MAP3K20: variants seen among roughly 807,000 people sequenced by gnomAD.
MAP3K20 encodes the protein mitogen-activated protein kinase kinase kinase 20.
In MAP3K20, 40 loss-of-function variants were observed where a neutral mutation model predicts 85.7. The observed-to-expected ratio is 0.47, with a 90% CI of 0.36 to 0.61. The LOEUF (loss-of-function observed/expected upper bound fraction) is 0.61, where lower values mean the gene tolerates loss of function less well. Among genes scored for constraint, MAP3K20 ranks in the 20% least tolerant of loss-of-function variants. The pLI, the probability that MAP3K20 is intolerant of heterozygous loss-of-function variation, is 0.00. For synonymous variants in MAP3K20, 325 were observed against 327.7 expected (o/e 0.99, Z 0.09); for missense variants, 817 against 961.7 (o/e 0.85, Z 1.99).
intron 16 of MAP3K20, among the ~76,000 whole-genome samples, chr2:173,251,925 T>C (rs1480850824): frequency 6.6e-6 from 1 of 152,222 alleles, no homozygotes; most frequent in African/African-American, 2.4e-5. Context: ...TTGGTCTTGA[T>C]TGTTTAATGG....
chr2:173,243,557 A>G (rs1684841845), intron 16 of MAP3K20, among the ~76,000 whole-genome samples: 1 of 152,204 alleles, frequency 6.6e-6, no homozygotes, highest in Non-Finnish European at 1.5e-5. Flanking sequence ...GCACTGTCTT[A>G]TGTGCTAAGC....
intron 15 of MAP3K20, 80 bp from the exon 16 acceptor site, chr2:173,239,323 AC>A: frequency 2.6e-6 from 3 of 1,173,596 alleles, no homozygotes; most frequent in South Asian, 1.8e-5. Flanking sequence ...AAAAAAAAAA[AC>A]TAGTGCCAAG....
intron 11 of MAP3K20, chr2:173,223,707 TA>T: frequency 1.0e-6 from 1 of 985,442 alleles, no homozygotes; most frequent in South Asian, 4.7e-5. Flanking sequence ...AATCTCTCCC[TA>T]AAAGATGGAT....
intron 11 of MAP3K20, chr2:173,221,373 T>G: frequency 1.2e-6 from 2 of 1,613,964 alleles, no homozygotes; most frequent in Non-Finnish European, 8.5e-7. Context: ...CAGATAAACA[T>G]GCAAGCCAAG....
rs1380913188 is a variant in MAP3K20, at chr2:173,266,433, T to C, written c.2086T>C (p.Tyr696His). Residue 696 changes from tyrosine (Y) to histidine (H), a missense_variant, in exon 20 of 20, where the codon TAC becomes CAC. This residue lies in a region of MAP3K20 where 454 missense variants were observed against 476.9 expected (regional missense o/e 0.95). Coordinates refer to ENST00000375213, the MANE Select transcript of MAP3K20 (RefSeq NM_016653.3). ...ISLNSSPRGRYSGKSQHSTPS... is the reference protein window; with the variant it reads ...ISLNSSPRGRHSGKSQHSTPS... ...ACTCAATTCTTCTCCTAGAGGAAGA[T>C]ACAGTGGAAAGAGTCAGCATTCCAC... 6.2e-7 allele frequency: 1 copy of C among 1,614,094 alleles called. No individual in the cohort carries two copies. The highest frequency in any genetic ancestry group is 1.7e-5 in the Admixed American group (1 of 60,014).
At chr2:173,226,129 G>A (rs759935687) in intron 11 of MAP3K20, 1 of 978,552 alleles carries the variant, frequency 1.0e-6, no homozygotes, top group Non-Finnish European at 1.2e-6. Flanking sequence ...GAATTTGTTA[G>A]ACTTTTAAAC....
chr2:173,144,189 T>C (rs370315846), intron 2 of MAP3K20, among the ~76,000 whole-genome samples: 3 of 149,588 alleles, frequency 2.0e-5, no homozygotes, highest in Non-Finnish European at 4.4e-5. Flanking sequence ...GAAGGCCGGG[T>C]GTGGTGGCTC....
chr2:173,254,995 G>C (rs778283345), intron 16 of MAP3K20, among the ~76,000 whole-genome samples: 15 of 152,184 alleles, frequency 9.9e-5, no homozygotes, highest in Middle Eastern at 3.2e-3. Flanking sequence ...CTACTTTTTA[G>C]TGAAATGAAT....
chr2:173,142,496 A>T (rs1171302377), intron 2 of MAP3K20, among the ~76,000 whole-genome samples: 1 of 151,900 alleles, frequency 6.6e-6, no homozygotes. Context: ...AGTAGTATAT[A>T]TATATCACAA....
intron 2 of MAP3K20, among the ~76,000 whole-genome samples, chr2:173,104,919 G>C (rs1225026845): frequency 1.3e-5 from 2 of 152,098 alleles, no homozygotes; most frequent in African/African-American, 4.8e-5. Context: ...TGGCAGGTGG[G>C]AGCATGCCTG....
chr2:173,147,991 T>C (rs1344560139), intron 2 of MAP3K20, among the ~76,000 whole-genome samples: 1 of 152,244 alleles, frequency 6.6e-6, no homozygotes, highest in Non-Finnish European at 1.5e-5. Context: ...AATATGCTTA[T>C]ATCCTGACCT....
chr2:173,119,407 A>T (rs1028899149), intron 2 of MAP3K20, among the ~76,000 whole-genome samples: 8 of 152,184 alleles, frequency 5.3e-5, no homozygotes, highest in Admixed American at 5.2e-4. Flanking sequence ...GGTCAGTACC[A>T]CTGGGCTTTG....
chr2:173,209,594 C>T (rs1683810230), intron 9 of MAP3K20, 135 bp from the exon 10 acceptor site: 1 of 673,170 alleles, frequency 1.5e-6, no homozygotes, highest in Admixed American at 3.1e-5. Flanking sequence ...AAAATAACTA[C>T]ATCAGGACAT....
At chr2:173,163,851 G>A (rs1689735484) in intron 2 of MAP3K20, among the ~76,000 whole-genome samples, 1 of 152,058 alleles carries the variant, frequency 6.6e-6, no homozygotes, top group Non-Finnish European at 1.5e-5. Context: ...TAAGTTCTTT[G>A]AGAAATCTCC....
At chr2:173,154,980 T>A (rs1689422022) in intron 2 of MAP3K20, among the ~76,000 whole-genome samples, 1 of 152,146 alleles carries the variant, frequency 6.6e-6, no homozygotes, top group Non-Finnish European at 1.5e-5. Context: ...GGAAAGTAGT[T>A]TGAGAAGGAG....
intron 3 of MAP3K20, among the ~76,000 whole-genome samples, chr2:173,175,202 T>C (rs528979794): frequency 6.6e-6 from 1 of 152,352 alleles, no homozygotes; most frequent in Admixed American, 6.5e-5. Flanking sequence ...CAGTATTTTG[T>C]TGTTCAAATA....
intron 2 of MAP3K20, among the ~76,000 whole-genome samples, chr2:173,142,140 A>G (rs1454569926): frequency 6.6e-6 from 1 of 152,226 alleles, no homozygotes; most frequent in Admixed American, 6.5e-5. Flanking sequence ...GGAAAGTTGC[A>G]GTGTTATATT....
At chr2:173,132,393 A>G (rs533313394) in intron 2 of MAP3K20, among the ~76,000 whole-genome samples, 18 of 152,210 alleles carry the variant, frequency 1.2e-4, no homozygotes, top group Non-Finnish European at 2.4e-4. Context: ...CACCCCATGT[A>G]GGCTGTGTAT....
chr2:173,098,688 C>T, intron 2 of MAP3K20, among the ~76,000 whole-genome samples: 1 of 152,220 alleles, frequency 6.6e-6, no homozygotes. Flanking sequence ...TATAGCATCT[C>T]CACATGCCTA....
Sources: allele counts gnomAD v4.1 joint callset (sites outside exome capture counted in the v4.1 genomes callset), GRCh38; gene constraint gnomAD v4.1.1; regional missense constraint gnomAD v4.1.1; transcripts MANE v1.5; gene names NCBI Gene and HGNC (gene_info 2026-07-23, HGNC 2026-07-21).